AFF3: variants seen among roughly 807,000 people sequenced by gnomAD.
AFF3 encodes the protein ALF transcription elongation factor 3.
AFF3 carries 32 observed loss-of-function variants against 129.7 expected under a neutral mutation model. That is an observed-to-expected ratio of 0.25 (90% confidence interval 0.19 to 0.33). The LOEUF (loss-of-function observed/expected upper bound fraction) is 0.33. Ranked by LOEUF, AFF3 falls within the 10% of genes least tolerant of loss-of-function variation. The probability of loss-of-function intolerance (pLI) is 1.00; values close to 1 mark genes in which losing one functional copy is unlikely to be tolerated. For synonymous variants in AFF3, 644 were observed against 635.4 expected, an observed-to-expected ratio of 1.01 and a Z score of -0.20; for missense variants, 1,373 against 1,592.0, an observed-to-expected ratio of 0.86 and a Z score of 2.34.
intron 8 of AFF3, among the ~76,000 whole-genome samples, chr2:99,836,684 A>C (rs1474958524): frequency 3.3e-5 from 5 of 152,166 alleles, no homozygotes; most frequent in African/African-American, 1.2e-4. Context: ...TCCAAAAGAA[A>C]GGACCATATT....
chr2:99,887,970 C>T (rs767100381), intron 7 of AFF3, among the ~76,000 whole-genome samples: 6 of 152,164 alleles, frequency 3.9e-5, no homozygotes, highest in Non-Finnish European at 7.3e-5. Flanking sequence ...TATCCATGGA[C>T]GTCCATGATT....
intron 4 of AFF3, among the ~76,000 whole-genome samples, chr2:100,044,629 C>G (rs111338633): frequency 1.3e-5 from 2 of 152,066 alleles, no homozygotes; most frequent in Non-Finnish European, 2.9e-5. Context: ...TAGACAGATG[C>G]TTGCTGGTTC....
intron 7 of AFF3, among the ~76,000 whole-genome samples, chr2:99,883,975 T>G (rs557343099): frequency 1.3e-5 from 2 of 152,346 alleles, no homozygotes; most frequent in Non-Finnish European, 2.9e-5. Context: ...CCATTAATCA[T>G]GCACATTTGT....
At chr2:100,036,546 G>T (rs1337035064) in intron 4 of AFF3, among the ~76,000 whole-genome samples, 1 of 151,166 alleles carries the variant, frequency 6.6e-6, no homozygotes, top group Non-Finnish European at 1.5e-5. Context: ...AAAGGCAGGG[G>T]CTGGCATTTC....
At chr2:99,610,722 C>G (rs911986589) in intron 13 of AFF3, among the ~76,000 whole-genome samples, 3 of 152,076 alleles carry the variant, frequency 2.0e-5, no homozygotes, top group Non-Finnish European at 4.4e-5. Context: ...TCAAATTTGT[C>G]TTTTGTCTTC....
chr2:100,062,391 T>C, intron 4 of AFF3, among the ~76,000 whole-genome samples: 1 of 152,142 alleles, frequency 6.6e-6, no homozygotes, highest in East Asian at 1.9e-4. Flanking sequence ...TTATTATTGT[T>C]TTGTTGGGTT....
chr2:100,054,457 G>C lies in AFF3; in HGVS notation c.54-45525C>G, dbSNP rs1041677624. Reference sequence around the variant, plus strand: ...GCAGACCCCTCCTAGATATAAGGGGGAATCTCTTTCTGCTTGACTGCCTTG... The same window carrying C: ...GCAGACCCCTCCTAGATATAAGGGGCAATCTCTTTCTGCTTGACTGCCTTG... On this transcript the variant is annotated intron_variant, in intron 4 of 24. Coordinates refer to ENST00000672756, the MANE Select transcript of AFF3 (RefSeq NM_001386135.1). Among the ~76,000 whole-genome samples the C allele has an allele frequency of 2.0e-5, 3 of 152,178 alleles. No individual in the cohort carries two copies. The South Asian group carries it at 6.2e-4, about 32-fold the overall frequency.
rs577484310 is a variant in AFF3 at position 99,950,833 on chromosome 2, C to T, written c.873+55799G>A. The stretch of plus-strand genomic sequence containing the variant: ...TCTTGAGAAGCTGAAAACGTACTTC[C>T]TATGACAAATAAAATCCAATTTGTA... On this transcript the variant is annotated intron_variant, in intron 7 of 24. Coordinates refer to ENST00000672756, the MANE Select transcript of AFF3 (RefSeq NM_001386135.1). Among the ~76,000 whole-genome samples, 9 of 152,244 alleles carry T rather than the reference C, an allele frequency of 5.9e-5. No homozygotes were observed. The East Asian group carries it at 1.2e-3, about 20-fold the overall frequency.
intron 8 of AFF3, among the ~76,000 whole-genome samples, chr2:99,805,543 G>A (rs1390881121): frequency 6.6e-6 from 1 of 152,058 alleles, no homozygotes; most frequent in Non-Finnish European, 1.5e-5. Flanking sequence ...ATTACAATTT[G>A]TTGCCTGAGG....
chr2:99,758,875 T>C (rs540356896), intron 8 of AFF3, among the ~76,000 whole-genome samples: 94 of 152,290 alleles, frequency 6.2e-4, no homozygotes, highest in African/African-American at 2.1e-3. Context: ...TTCCAATCTA[T>C]TGAATTTACC....
intron 11 of AFF3, among the ~76,000 whole-genome samples, chr2:99,709,433 G>T (rs1195272604): frequency 6.6e-6 from 1 of 152,116 alleles, no homozygotes; most frequent in Admixed American, 6.5e-5. Context: ...AGTTTTAGGG[G>T]TGAAGATCAC....
At chr2:100,010,195 C>A (rs1379812015) in intron 4 of AFF3, among the ~76,000 whole-genome samples, 1 of 152,142 alleles carries the variant, frequency 6.6e-6, no homozygotes, top group Non-Finnish European at 1.5e-5. Context: ...CAAAATCCAA[C>A]ATATTGCTAA....
At chr2:99,566,685 A>G (rs377516819) in intron 19 of AFF3, among the ~76,000 whole-genome samples, 178 of 152,330 alleles carry the variant, frequency 1.2e-3, no homozygotes, top group African/African-American at 4.0e-3. Context: ...CTTATGCATC[A>G]AGTTCCTGGT....
intron 11 of AFF3, among the ~76,000 whole-genome samples, chr2:99,693,486 T>C (rs1356287386): frequency 2.0e-5 from 3 of 152,076 alleles, no homozygotes; most frequent in Non-Finnish European, 4.4e-5. Context: ...TTTTTTCTAT[T>C]AAAGAAAAAT....
intron 7 of AFF3, among the ~76,000 whole-genome samples, chr2:99,956,697 A>T (rs1304588144): frequency 6.6e-6 from 1 of 152,222 alleles, no homozygotes; most frequent in Non-Finnish European, 1.5e-5. Context: ...TGTGTTCATC[A>T]TCCATCTCTA....
chr2:99,877,413 A>G (rs1692387022), intron 7 of AFF3, among the ~76,000 whole-genome samples: 1 of 152,176 alleles, frequency 6.6e-6, no homozygotes, highest in African/African-American at 2.4e-5. Context: ...GAAAATGCTA[A>G]CAATTGGAAT....
chr2:99,971,166 G>C (rs1001187890), intron 7 of AFF3, among the ~76,000 whole-genome samples: 2 of 152,054 alleles, frequency 1.3e-5, no homozygotes, highest in African/African-American at 4.8e-5. Context: ...TGAATCTCCA[G>C]GTCCTAGGGT....
At chr2:99,566,873 AACC>A (rs1451289768) in intron 19 of AFF3, among the ~76,000 whole-genome samples, 1 of 152,234 alleles carries the variant, frequency 6.6e-6, no homozygotes, top group East Asian at 1.9e-4. Context: ...ATAGCTTCAA[AACC>A]AGAAATGCAG....
At chr2:99,605,929 C>T (rs35913285) in intron 13 of AFF3, among the ~76,000 whole-genome samples, 24,166 of 152,046 alleles carry the variant, frequency 0.16, 2,273 homozygotes, top group South Asian at 0.24. Flanking sequence ...TTCAAGCAAT[C>T]CTTCCACCTC....
Sources: allele counts gnomAD v4.1 joint callset (sites outside exome capture counted in the v4.1 genomes callset), GRCh38; gene constraint gnomAD v4.1.1; transcripts MANE v1.5; gene names NCBI Gene and HGNC (gene_info 2026-07-23, HGNC 2026-07-21).